Variants in OR10S1 observed in about 807,000 individuals in gnomAD.
The protein encoded by OR10S1 is olfactory receptor family 10 subfamily S member 1.
For missense variants in OR10S1, 415 were observed against 407.9 expected, an observed-to-expected ratio of 1.02 and a Z score of -0.15; for synonymous variants, 167 against 164.1, an observed-to-expected ratio of 1.02 and a Z score of -0.13.
exon 1 of OR10S1, chr11:123,977,020 G>A (rs1011819191): frequency 6.2e-7 from 1 of 1,614,132 alleles, no homozygotes; most frequent in Non-Finnish European, 8.5e-7. Context: ...TGAGGATGAG[G>A]CAGCCTGCAG....
exon 1 of OR10S1, chr11:123,977,282 T>G (rs753406260): frequency 6.2e-7 from 1 of 1,614,128 alleles, no homozygotes. Flanking sequence ...GATAGCCAGA[T>G]AGCGGTCATA....
chr11:123,977,422 T>A, exon 1 of OR10S1: 2 of 1,614,130 alleles, frequency 1.2e-6, no homozygotes, highest in Non-Finnish European at 1.7e-6. Context: ...CCTTGGGCAC[T>A]GTCACTGTAG....
exon 1 of OR10S1, chr11:123,977,315 C>T (rs773208928): frequency 1.2e-6 from 2 of 1,614,130 alleles, no homozygotes; most frequent in Admixed American, 3.3e-5. Context: ...GTACAGGAAG[C>T]ACTCAGTGCT....
chr11:123,976,950 G>A lies in OR10S1; in HGVS notation c.715C>T (p.Arg239Trp), dbSNP rs776243358. The change falls in exon 1 of 1, where the codon CGG (arginine) becomes TGG (tryptophan). Residue 239 changes from arginine (R) to tryptophan (W), a missense_variant. Arg to Trp is a moderately radical substitution (Grantham distance 101). Coordinates refer to ENST00000641123, the Ensembl canonical transcript of OR10S1. Reference sequence around the variant, plus strand: ...GTGCAGGGGGAGAAGGCCCGCTGCCGGCCCTGGGCTGTGCGGATGCGCAAC... The same window carrying A: ...GTGCAGGGGGAGAAGGCCCGCTGCCAGCCCTGGGCTGTGCGGATGCGCAAC... 12 of 1,613,848 alleles carry A rather than the reference G, an allele frequency of 7.4e-6. No homozygotes were observed. Among genetic ancestry groups the A allele is most frequent in the Admixed American group, 3.3e-5 (2 of 60,012 alleles).
exon 1 of OR10S1, chr11:123,977,438 C>T (rs146636527): frequency 1.9e-6 from 3 of 1,614,150 alleles, no homozygotes; most frequent in Non-Finnish European, 8.5e-7. Context: ...TGTAGACAAA[C>T]AGGCATCCAG....
exon 1 of OR10S1, chr11:123,976,785 T>A (rs774993378): frequency 1.9e-6 from 3 of 1,614,176 alleles, no homozygotes; most frequent in South Asian, 2.2e-5. Flanking sequence ...TTCCGCAAAG[T>A]GTAAATGAAT....
chr11:123,977,324 C>T, exon 1 of OR10S1: 1 of 1,614,118 alleles, frequency 6.2e-7, no homozygotes, highest in African/African-American at 1.3e-5. Context: ...GCACTCAGTG[C>T]TGGCCAGAAA....
exon 1 of OR10S1, chr11:123,977,127 C>A: frequency 1.2e-6 from 2 of 1,614,178 alleles, no homozygotes; most frequent in Non-Finnish European, 1.7e-6. Flanking sequence ...AAGAAGTAGG[C>A]AATGTGGCAA....
chr11:123,977,653 T>A (rs1454636699), exon 1 of OR10S1: 4 of 1,602,668 alleles, frequency 2.5e-6, no homozygotes, highest in African/African-American at 1.3e-5. Context: ...GGTTCTCCGT[T>A]GTCATGGTCA....
chr11:123,977,419 C>T (rs760930356), exon 1 of OR10S1: 1 of 1,614,134 alleles, frequency 6.2e-7, no homozygotes, highest in Non-Finnish European at 8.5e-7. Context: ...TGACCTTGGG[C>T]ACTGTCACTG....
exon 1 of OR10S1, chr11:123,976,909 C>A: frequency 6.2e-7 from 1 of 1,614,070 alleles, no homozygotes; most frequent in Non-Finnish European, 8.5e-7. Context: ...ACAGGAGCAC[C>A]CCAGTGAGCT....
chr11:123,976,969 G>A (rs1393950460), exon 1 of OR10S1: 13 of 1,614,014 alleles, frequency 8.1e-6, no homozygotes, highest in Non-Finnish European at 1.1e-5. Context: ...CTGTGCGGAT[G>A]CGCAACACAG....
rs775798302 is a variant in OR10S1 at position 123,977,100 on chromosome 11, CAG to C, written c.563_564del (p.Pro188ArgfsTer12). ...GTGTCTGTACAGGCGAGCTTTAGGA[CAG>C]GGGGTATGTCGCAGAAGAAGTAGGC... On this transcript the variant is annotated frameshift_variant, in exon 1 of 1. Transcript: ENST00000641123. LOFTEE classifies it low-confidence loss of function (END_TRUNC). 8 of 1,614,196 alleles carry C rather than the reference CAG, an allele frequency of 5.0e-6. No homozygotes were observed. The highest frequency in any genetic ancestry group is 6.8e-6 in the Non-Finnish European group (8 of 1,180,028).
At chr11:123,976,779 G>A (rs771347462) in exon 1 of OR10S1, 10 of 1,614,044 alleles carry the variant, frequency 6.2e-6, no homozygotes, top group East Asian at 4.5e-5. Flanking sequence ...TCCTTGTTCC[G>A]CAAAGTGTAA....
At chr11:123,977,720 G>A in exon 1 of OR10S1, 1 of 1,579,412 alleles carries the variant, frequency 6.3e-7, no homozygotes, top group Non-Finnish European at 8.6e-7. Context: ...GACATTAATG[G>A]AATAAATAGC....
chr11:123,977,737 C>T (rs1395323923), exon 1 of OR10S1: 11 of 1,535,574 alleles, frequency 7.2e-6, no homozygotes, highest in Non-Finnish European at 9.7e-6. Context: ...TAGCTGTATC[C>T]CTTTCCTGAG....
At chr11:123,976,811 G>A (rs763825868) in exon 1 of OR10S1, 1 of 1,614,222 alleles carries the variant, frequency 6.2e-7, no homozygotes, top group Non-Finnish European at 8.5e-7. Context: ...GAGCATTGGA[G>A]TTACGATTGT....
At chr11:123,977,040 C>T in exon 1 of OR10S1, 3 of 1,614,140 alleles carry the variant, frequency 1.9e-6, no homozygotes, top group Non-Finnish European at 2.5e-6. Flanking sequence ...GCCACGATGC[C>T]AATGCTGGCA....
exon 1 of OR10S1, chr11:123,977,679 A>C (rs1249264633): frequency 6.3e-7 from 1 of 1,599,406 alleles, no homozygotes; most frequent in African/African-American, 1.3e-5. Context: ...TCACACACAG[A>C]GCGGCTAGTC....
Sources: allele counts gnomAD v4.1 joint callset, GRCh38; gene constraint gnomAD v4.1.1; transcripts MANE v1.5; gene names NCBI Gene and HGNC (gene_info 2026-07-23, HGNC 2026-07-21).